NHERF1: variants seen among roughly 807,000 people sequenced by gnomAD.
NHERF1 encodes Na(+)/H(+) exchange regulatory cofactor NHE-RF1.
chr17:74,749,649 G>T, the NHERF1 span, among the ~76,000 whole-genome samples: 1 of 152,054 alleles, frequency 6.6e-6, no homozygotes, highest in Non-Finnish European at 1.5e-5. The surrounding 1 kb of genome is among the most constrained non-coding windows in gnomAD (Gnocchi z 5.6). Context: ...CTTCCCTGGT[G>T]CCCTCTCCTC....
chr17:74,766,844 T>C, the NHERF1 span: 1 of 1,180,654 alleles, frequency 8.5e-7, no homozygotes, highest in Non-Finnish European at 1.3e-6. Flanking sequence ...GGGAACAAGA[T>C]CTAATAATCT....
the NHERF1 span, chr17:74,762,100 A>G: frequency 6.2e-7 from 1 of 1,614,166 alleles, no homozygotes; most frequent in Non-Finnish European, 8.5e-7. The surrounding 1 kb of genome is among the most constrained non-coding windows in gnomAD (Gnocchi z 4.2). Context: ...AAGCCAGGCC[A>G]GTTCATCCGG....
chr17:74,754,205 G>T, the NHERF1 span, among the ~76,000 whole-genome samples: 1 of 151,816 alleles, frequency 6.6e-6, no homozygotes, highest in African/African-American at 2.4e-5. Flanking sequence ...CCGAGGTCTT[G>T]TTGGTGCTGC....
At chr17:74,759,114 G>C in the NHERF1 span, among the ~76,000 whole-genome samples, 1 of 152,206 alleles carries the variant, frequency 6.6e-6, no homozygotes, top group African/African-American at 2.4e-5. Context: ...GACTTGGGAA[G>C]GAGGCTCTGC....
At chr17:74,763,923 G>C in the NHERF1 span, among the ~76,000 whole-genome samples, 1 of 152,220 alleles carries the variant, frequency 6.6e-6, no homozygotes, top group African/African-American at 2.4e-5. Context: ...TCAGATCAGA[G>C]TCCAGTGACG....
the NHERF1 span, chr17:74,748,683 C>A: frequency 1.6e-6 from 1 of 618,752 alleles, no homozygotes; most frequent in East Asian, 3.0e-5. This position sits in a 1 kb window ranked among gnomAD's most constrained non-coding sequence, Gnocchi z 4.3. Context: ...CCTCGCGGCT[C>A]GCGGCGGCCG....
chr17:74,765,529 A>T, the NHERF1 span, among the ~76,000 whole-genome samples: 1 of 145,308 alleles, frequency 6.9e-6, no homozygotes, highest in Non-Finnish European at 1.5e-5. Context: ...AAGTACTGCG[A>T]TTACAAGTGT....
At chr17:74,768,550 A>G in the NHERF1 span, 29 of 1,613,908 alleles carry the variant, frequency 1.8e-5, no homozygotes, top group Non-Finnish European at 2.4e-5. Context: ...CTAGACTTCA[A>G]CATCTCCCTG....
chr17:74,767,949 C>G, the NHERF1 span: 1 of 687,668 alleles, frequency 1.5e-6, no homozygotes, highest in Non-Finnish European at 2.7e-6. Context: ...GCAGTAGAAC[C>G]AGCCTGCCCT....
the NHERF1 span, chr17:74,768,099 C>A: frequency 7.8e-7 from 1 of 1,285,212 alleles, no homozygotes; most frequent in South Asian, 1.2e-5. Flanking sequence ...TCCTCAGGAC[C>A]CCCTCACCCC....
the NHERF1 span, chr17:74,762,163 G>C: frequency 6.2e-7 from 1 of 1,613,994 alleles, no homozygotes; most frequent in Middle Eastern, 1.6e-4. The surrounding 1 kb of genome is among the most constrained non-coding windows in gnomAD (Gnocchi z 4.2). Context: ...GCCCAGGATC[G>C]CATTGTGGAG....
At chr17:74,767,801 C>T in the NHERF1 span, among the ~76,000 whole-genome samples, 8 of 152,290 alleles carry the variant, frequency 5.3e-5, no homozygotes, top group African/African-American at 1.9e-4. Flanking sequence ...TGTGTCCCCA[C>T]ATTCCAAGAA....
the NHERF1 span, chr17:74,748,954 C>G: frequency 6.2e-7 from 1 of 1,606,318 alleles, no homozygotes; most frequent in Non-Finnish European, 8.5e-7. The surrounding 1 kb of genome is among the most constrained non-coding windows in gnomAD (Gnocchi z 4.3). Context: ...GCAAGTTGGG[C>G]CAGTACATCC....
chr17:74,762,317 A>G, the NHERF1 span: 1 of 427,728 alleles, frequency 2.3e-6, no homozygotes, highest in Non-Finnish European at 4.7e-6. The surrounding 1 kb of genome is among the most constrained non-coding windows in gnomAD (Gnocchi z 4.2). Flanking sequence ...GGTGGATGGG[A>G]GGGAGGGAGG....
At chr17:74,756,340 G>A in the NHERF1 span, among the ~76,000 whole-genome samples, 2 of 142,748 alleles carry the variant, frequency 1.4e-5, no homozygotes, top group South Asian at 4.4e-4. Context: ...GTGCAGTGGC[G>A]TGATCTCGGC....
chr17:74,749,375 C>T, the NHERF1 span: 1 of 1,285,010 alleles, frequency 7.8e-7, no homozygotes. The surrounding 1 kb of genome is among the most constrained non-coding windows in gnomAD (Gnocchi z 5.6). Flanking sequence ...AGCCCCGCGC[C>T]CGCCGTCGTT....
At chr17:74,755,398 C>T in the NHERF1 span, among the ~76,000 whole-genome samples, 1 of 152,164 alleles carries the variant, frequency 6.6e-6, no homozygotes, top group South Asian at 2.1e-4. Flanking sequence ...AGAGAGCCCC[C>T]CTCAAGGGTG....
At chr17:74,760,496 C>A in the NHERF1 span, among the ~76,000 whole-genome samples, 1 of 152,298 alleles carries the variant, frequency 6.6e-6, no homozygotes, top group East Asian at 1.9e-4. The surrounding 1 kb of genome is among the most constrained non-coding windows in gnomAD (Gnocchi z 4.5). Context: ...CCCCAGAGAT[C>A]GAAAGGCTGG....
the NHERF1 span, chr17:74,762,935 C>G: frequency 1.2e-5 from 2 of 162,712 alleles, no homozygotes; most frequent in African/African-American, 4.8e-5. This position sits in a 1 kb window ranked among gnomAD's most constrained non-coding sequence, Gnocchi z 4.2. Context: ...ACCAAATGCT[C>G]AGGCAGGTCC....
Sources: allele counts gnomAD v4.1 joint callset (sites outside exome capture counted in the v4.1 genomes callset), GRCh38; gene constraint gnomAD v4.1.1; non-coding constraint Gnocchi (gnomAD v3.1); transcripts MANE v1.5; gene names NCBI Gene and HGNC (gene_info 2026-07-23, HGNC 2026-07-21).